PTPRM: variants seen among roughly 807,000 people sequenced by gnomAD.
The protein encoded by PTPRM is protein tyrosine phosphatase receptor type M.
A neutral mutation model predicts 186.7 loss-of-function variants in PTPRM; 47 were observed. The observed-to-expected ratio is 0.25, with a 90% CI of 0.20 to 0.32. The LOEUF (loss-of-function observed/expected upper bound fraction) is 0.32, where lower values mean the gene tolerates loss of function less well. Ranked by LOEUF, PTPRM falls within the 10% of genes least tolerant of loss-of-function variation. The pLI is 1.00. For synonymous variants in PTPRM, 668 were observed against 674.9 expected (o/e 0.99, Z 0.16); for missense variants, 1,494 against 1,865.0 (o/e 0.80, Z 3.66).
chr18:8,237,466 G>C (rs1215642950), intron 14 of PTPRM, among the ~76,000 whole-genome samples: 3 of 80,834 alleles, frequency 3.7e-5, no homozygotes, highest in Non-Finnish European at 6.8e-5. Context: ...TTTTTTTCCT[G>C]AGACAGAGTT....
chr18:7,653,605 A>G lies in PTPRM; in HGVS notation c.73+85714A>G, dbSNP rs538719221. On this transcript the variant is annotated intron_variant, in intron 1 of 32. Coordinates refer to ENST00000580170, the MANE Select transcript of PTPRM (RefSeq NM_001105244.2). ...TCTGTTCCTGTGTAGTTTGCTAAGG[A>G]TAATGGTCTCCAGCTCCATCCACAT... 1.2e-4 allele frequency among the ~76,000 whole-genome samples: 18 copies of G among 152,260 alleles called. 1 individual carries two copies. The South Asian group carries it at 3.7e-3, about 32-fold the overall frequency.
chr18:7,712,106 G>A (rs2040225974), intron 1 of PTPRM, among the ~76,000 whole-genome samples: 1 of 152,150 alleles, frequency 6.6e-6, no homozygotes, highest in Non-Finnish European at 1.5e-5. Flanking sequence ...CCTCATACAG[G>A]AGAGCTCTGG....
rs7242069 is a variant in PTPRM at position 7,768,402 on chromosome 18, A to C, written c.74-5747A>C. Among the ~76,000 whole-genome samples the C allele has an allele frequency of 2.4e-3, 367 of 152,250 alleles. 4 individuals are homozygous for C. The highest frequency in any genetic ancestry group is 8.6e-3 in the African/African-American group (358 of 41,558). On this transcript the variant is annotated intron_variant, in intron 1 of 32. Coordinates refer to ENST00000580170, the MANE Select transcript of PTPRM (RefSeq NM_001105244.2). ...CAGGTACTCTGGAGGCTGAGGTGGG[A>C]GGACTGCTTGAGCCTGGGAGATCAA...
chr18:7,749,218 G>A (rs2041091577), intron 1 of PTPRM: 1 of 152,024 alleles, frequency 6.6e-6, no homozygotes, highest in South Asian at 2.1e-4. Flanking sequence ...GAATGGAGGA[G>A]GGGACAGAGT....
intron 7 of PTPRM, among the ~76,000 whole-genome samples, chr18:7,982,152 A>C (rs972714173): frequency 1.3e-5 from 2 of 152,192 alleles, no homozygotes; most frequent in Non-Finnish European, 2.9e-5. Context: ...GAAACGTTTC[A>C]ATGCATTTTT....
intron 13 of PTPRM, among the ~76,000 whole-genome samples, chr18:8,130,192 C>T (rs943214314): frequency 4.6e-5 from 7 of 152,146 alleles, no homozygotes; most frequent in African/African-American, 1.7e-4. Flanking sequence ...CAAGTCATGG[C>T]TTTTCCAGCT....
chr18:7,854,480 T>C (rs886960235), intron 2 of PTPRM, among the ~76,000 whole-genome samples: 1 of 152,142 alleles, frequency 6.6e-6, no homozygotes, highest in Admixed American at 6.6e-5. Context: ...CTAATTTCAT[T>C]TTACTTGAAA....
At chr18:8,291,868 A>G (rs78936759) in intron 19 of PTPRM, among the ~76,000 whole-genome samples, 2 of 151,076 alleles carry the variant, frequency 1.3e-5, no homozygotes, top group African/African-American at 4.9e-5. Context: ...AAAAAAAAAA[A>G]GGAAGGAGGG....
intron 1 of PTPRM, among the ~76,000 whole-genome samples, chr18:7,772,345 CTTTCTCTTTCTTTCTTTCTTTCTT>C (rs1263638627): frequency 9.3e-4 from 109 of 116,590 alleles, no homozygotes; most frequent in Admixed American, 7.0e-3. Flanking sequence ...TTCTTTCTTT[CTTTCTCTTTCTTTCTTTCTTTCTT>C]TCTTTCTTTC....
chr18:8,107,900 A>G (rs2091593846), intron 11 of PTPRM, among the ~76,000 whole-genome samples: 1 of 152,234 alleles, frequency 6.6e-6, no homozygotes, highest in Non-Finnish European at 1.5e-5. Flanking sequence ...CAGTAATAAC[A>G]AACACTGAAT....
chr18:7,957,467 A>C (rs1374131687), intron 7 of PTPRM, among the ~76,000 whole-genome samples: 1 of 152,218 alleles, frequency 6.6e-6, no homozygotes, highest in Non-Finnish European at 1.5e-5. Context: ...CAGGAAGCCT[A>C]ATGACGATGC....
chr18:8,240,944 G>A (rs2094428851), intron 14 of PTPRM, among the ~76,000 whole-genome samples: 1 of 152,204 alleles, frequency 6.6e-6, no homozygotes, highest in South Asian at 2.1e-4. Context: ...CTGTCCCTGT[G>A]TCAACAGCTT....
intron 1 of PTPRM, among the ~76,000 whole-genome samples, chr18:7,762,516 T>C (rs1478010975): frequency 6.6e-6 from 1 of 152,084 alleles, no homozygotes; most frequent in Admixed American, 6.6e-5. Context: ...AAACAACAGA[T>C]GTCACATGAT....
At chr18:8,405,507 TC>T (rs1472492788) in intron 32 of PTPRM, among the ~76,000 whole-genome samples, 1 of 152,194 alleles carries the variant, frequency 6.6e-6, no homozygotes, top group Non-Finnish European at 1.5e-5. Flanking sequence ...AGACCTGCCG[TC>T]CCCTGAGCAT....
intron 1 of PTPRM, among the ~76,000 whole-genome samples, chr18:7,662,970 T>TG (rs1406152874): frequency 3.3e-5 from 5 of 152,226 alleles, no homozygotes; most frequent in African/African-American, 7.2e-5. Flanking sequence ...CTGGAATACT[T>TG]GCTTAGGACA....
chr18:8,018,967 G>A (rs900436397), intron 7 of PTPRM, among the ~76,000 whole-genome samples: 2 of 152,102 alleles, frequency 1.3e-5, no homozygotes, highest in Non-Finnish European at 2.9e-5. Context: ...TTTCCCATCC[G>A]TAATAACGAC....
At chr18:7,926,005 G>A (rs1406340377) in intron 4 of PTPRM, among the ~76,000 whole-genome samples, 1 of 152,220 alleles carries the variant, frequency 6.6e-6, no homozygotes, top group East Asian at 1.9e-4. Context: ...TGCTATGGCA[G>A]TCTCAGCATC....
chr18:7,797,647 ACTT>A (rs1485829174), intron 2 of PTPRM, among the ~76,000 whole-genome samples: 1 of 151,780 alleles, frequency 6.6e-6, no homozygotes. Context: ...CATAATCCTC[ACTT>A]CTTCTGGCCT....
Position 7,862,446 on chromosome 18 carries a change from A to G in PTPRM, c.197-25660A>G, listed in dbSNP as rs116637133. Among the ~76,000 whole-genome samples, 650 of 152,310 alleles carry G rather than the reference A, an allele frequency of 4.3e-3. 2 individuals carry two copies. The highest frequency in any genetic ancestry group is 0.015 in the African/African-American group (618 of 41,576). ...TGAATACCACATTCAGGTGTTTTCA[A>G]TACTTTCAGTTAGAAGGTATTGAAA... On this transcript the variant is annotated intron_variant, in intron 2 of 32. Coordinates refer to ENST00000580170, the MANE Select transcript of PTPRM (RefSeq NM_001105244.2).
Sources: allele counts gnomAD v4.1 joint callset (sites outside exome capture counted in the v4.1 genomes callset), GRCh38; gene constraint gnomAD v4.1.1; transcripts MANE v1.5; gene names NCBI Gene and HGNC (gene_info 2026-07-23, HGNC 2026-07-21).